Variants in IFI44L observed in about 807,000 individuals in gnomAD.
The protein encoded by IFI44L is interferon induced protein 44 like.
IFI44L carries 40 observed loss-of-function variants against 39.3 expected under a neutral mutation model. The ratio of observed to expected loss-of-function variants is 1.02; its 90% CI spans 0.79 to 1.33. The LOEUF (loss-of-function observed/expected upper bound fraction) is 1.33, where lower values mean the gene tolerates loss of function less well. IFI44L is among the 40% of genes most tolerant of loss of function. The pLI, the probability that IFI44L is intolerant of heterozygous loss-of-function variation, is 0.00. For missense variants in IFI44L, 623 were observed against 549.0 expected (o/e 1.13, Z -1.35); for synonymous variants, 198 against 182.3 (o/e 1.09, Z -0.69).
At position 78,643,307 on chromosome 1, in the gene IFI44L, C is replaced by T. The variant is rs1647009475; in HGVS notation, c.*1498C>T. ...GAACCATGGAAATTGAGGAGGTAGG[C>T]CTACAAGTAGATATTGGGAACAAAA... On this transcript the variant is annotated 3_prime_UTR_variant, in exon 9 of 9. Coordinates refer to ENST00000370751, the MANE Select transcript of IFI44L (RefSeq NM_006820.4). The T allele has an allele frequency of 6.6e-6, 1 of 151,948 alleles. No individual in the cohort carries two copies. The highest frequency in any genetic ancestry group is 1.5e-5 in the Non-Finnish European group (1 of 67,972). 9.4% of individuals were successfully genotyped at this position (151,948 alleles called of 1,614,324 possible).
chr1:78,626,707 T>C (rs1652500089), intron 1 of IFI44L: 1 of 152,018 alleles, frequency 6.6e-6, no homozygotes, highest in Admixed American at 6.6e-5. Context: ...TTCAACAGCA[T>C]TTGGAGTATA....
At chr1:78,629,173 T>C (rs1652620051) in intron 3 of IFI44L, among the ~76,000 whole-genome samples, 174 bp downstream of exon 3, 1 of 152,234 alleles carries the variant, frequency 6.6e-6, no homozygotes, top group Admixed American at 6.5e-5. Context: ...ACTTTAAATA[T>C]CCACCTGATG....
chr1:78,642,863 T>C lies in IFI44L; in HGVS notation c.*1054T>C, dbSNP rs1647004502. On this transcript the variant is annotated 3_prime_UTR_variant, in exon 9 of 9. Coordinates refer to ENST00000370751, the MANE Select transcript of IFI44L (RefSeq NM_006820.4). The stretch of plus-strand genomic sequence containing the variant: ...CTAGCCATGTGTCCTTCCATTTAGG[T>C]TACTGGGGCAAATCAGTAAGAAAGT... 1 of 152,118 alleles carries C rather than the reference T, an allele frequency of 6.6e-6. No individual in the cohort carries two copies. Among genetic ancestry groups the C allele is most frequent in the Non-Finnish European group, 1.5e-5 (1 of 68,004 alleles). 9.4% of individuals were successfully genotyped at this position (152,118 alleles called of 1,614,324 possible). A position where few individuals can be genotyped will look rare whatever the true frequency, so the allele number is the denominator to read the frequency against.
At chr1:78,631,936 A>T (rs1652764557) in intron 4 of IFI44L, among the ~76,000 whole-genome samples, 1 of 152,164 alleles carries the variant, frequency 6.6e-6, no homozygotes, top group Non-Finnish European at 1.5e-5. Context: ...CTTACAGGAA[A>T]AAAAATGCCA....
chr1:78,642,062 G>A lies in IFI44L; in HGVS notation c.*253G>A. The A allele has an allele frequency of 3.6e-6, 2 of 559,388 alleles. No individual in the cohort carries two copies. Among genetic ancestry groups the A allele is most frequent in the Non-Finnish European group, 6.3e-6 (2 of 315,334 alleles). 34.7% of individuals were successfully genotyped at this position (559,388 alleles called of 1,614,324 possible). On this transcript the variant is annotated 3_prime_UTR_variant, in exon 9 of 9. Coordinates refer to ENST00000370751, the MANE Select transcript of IFI44L (RefSeq NM_006820.4). ...TTCTGTGACATCTTTTTAAACCACT[G>A]GAGGAAAAATGAGATATTCTCTAAT...
In IFI44L at chr1:78,628,071, A is replaced by G; in HGVS notation, c.156A>G (p.Thr52=). ...GCAGCCGTCAGGGATGTACTATAAC[A>G]ATGGCTTACATTGATTACAATATGA... ...ERCSRQGCTI[T]MAYIDYNMIV... The change falls in exon 2 of 9, where the codon ACA becomes ACG. Residue 52 remains threonine, a synonymous_variant. Coordinates refer to ENST00000370751, the MANE Select transcript of IFI44L (RefSeq NM_006820.4). The G allele has an allele frequency of 6.2e-7, 1 of 1,613,266 alleles. No individual in the cohort carries two copies. The highest frequency in any genetic ancestry group is 8.5e-7 in the Non-Finnish European group (1 of 1,179,542).
At chr1:78,630,632 T>C (rs998241508) in intron 4 of IFI44L, among the ~76,000 whole-genome samples, 1 of 152,168 alleles carries the variant, frequency 6.6e-6, no homozygotes, top group Non-Finnish European at 1.5e-5. Context: ...CAAATTAATA[T>C]TGTCACTTGT....
At chr1:78,625,963 A>G (rs1302091656) in intron 1 of IFI44L, 1 of 151,888 alleles carries the variant, frequency 6.6e-6, no homozygotes, top group Non-Finnish European at 1.5e-5. Flanking sequence ...ATTCTGGCAT[A>G]TACTGTCTGT....
intron 1 of IFI44L, chr1:78,626,906 C>G (rs1225397967): frequency 6.6e-6 from 1 of 151,924 alleles, no homozygotes; most frequent in African/African-American, 2.4e-5. Context: ...GTACTCATAG[C>G]TTAGCTCCCA....
chr1:78,631,714 T>C (rs1301327157), intron 4 of IFI44L: 1 of 152,180 alleles, frequency 6.6e-6, no homozygotes, highest in East Asian at 1.9e-4. Context: ...CAAAGTGAAA[T>C]TTGTGGACCC....
In IFI44L at chr1:78,642,415, A is replaced by T. The variant is rs1646997723; in HGVS notation, c.*606A>T. On this transcript the variant is annotated 3_prime_UTR_variant, in exon 9 of 9. Coordinates refer to ENST00000370751, the MANE Select transcript of IFI44L (RefSeq NM_006820.4). ...AAAAAAAAAAAAATAAGAAAGAACA[A>T]AACAAACCCCACAAAAATTAGCTGG... is the stretch of plus-strand genomic sequence containing the variant. The T allele has an allele frequency of 6.6e-6, 1 of 151,776 alleles. No individual in the cohort carries two copies. The highest frequency in any genetic ancestry group is 2.1e-4 in the South Asian group (1 of 4,822). The allele number at this position is 151,776 out of a possible 1,614,324, so 9.4% of individuals were successfully genotyped here.
rs1314118670 is a variant in IFI44L at position 78,641,090 on chromosome 1, A to G, written c.1118A>G (p.Asn373Ser). 1.2e-6 allele frequency: 2 copies of G among 1,612,716 alleles called. No individual in the cohort carries two copies. The highest frequency in any genetic ancestry group is 2.2e-5 in the South Asian group (2 of 91,064). ...GAGGTTCTTCAAGACAACTTTTTAA[A>G]CATGAGTAGATCTATGACTTCTCAA... is the stretch of plus-strand genomic sequence containing the variant. ...CSEVLQDNFLNMSRSMTSQSR... is the reference protein window; with the variant it reads ...CSEVLQDNFLSMSRSMTSQSR... The change falls in exon 7 of 9, where the codon AAC becomes AGC. Residue 373 changes from asparagine (N) to serine (S), a missense_variant. Transcript: ENST00000370751.
intron 1 of IFI44L, among the ~76,000 whole-genome samples, chr1:78,622,908 C>T (rs900595789): frequency 2.0e-5 from 3 of 152,174 alleles, no homozygotes; most frequent in African/African-American, 2.4e-5. Flanking sequence ...AGCTGTGGCT[C>T]GCACTTTGAT....
In IFI44L at chr1:78,642,316, C is replaced by T. The variant is rs145168832; in HGVS notation, c.*507C>T. 1 of 145,130 alleles carries T rather than the reference C, an allele frequency of 6.9e-6. No homozygotes were observed. The allele number at this position is 145,130 out of a possible 1,614,324, so 9.0% of individuals were successfully genotyped here. On this transcript the variant is annotated 3_prime_UTR_variant, in exon 9 of 9. Transcript: ENST00000370751. ...CCCACTCTCTCCAACATCACATTCACTTTAAATTTTTCTGTATATAGAAAG... is the reference window on the plus strand; with the variant it reads ...CCCACTCTCTCCAACATCACATTCATTTTAAATTTTTCTGTATATAGAAAG...
rs1646999935 is a variant in IFI44L, at chr1:78,642,555, TGA to T, written c.*749_*750del. ...CTGTACTCTAGCCAGGGAGAAAGAG[TGA>T]GATCCTGGCTCAAAAAAACCAAATA... On this transcript the variant is annotated 3_prime_UTR_variant, in exon 9 of 9. Coordinates refer to ENST00000370751, the MANE Select transcript of IFI44L (RefSeq NM_006820.4). The T allele has an allele frequency of 6.6e-6, 1 of 150,938 alleles. No individual in the cohort carries two copies. Among genetic ancestry groups the T allele is most frequent in the Non-Finnish European group, 1.5e-5 (1 of 67,790 alleles). 9.3% of individuals were successfully genotyped at this position (150,938 alleles called of 1,614,324 possible).
Position 78,628,024 on chromosome 1 carries a change from A to T in IFI44L, c.109A>T (p.Ile37Phe). ...TAAGTCTAGTGTTCATGGAGGTAGC[A>T]TTGAAGATATGGTTGAAAGATGCAG... ...LYKSSVHGGS[I>F]EDMVERCSRQ... Residue 37 changes from isoleucine (I) to phenylalanine (F), a missense_variant, in exon 2 of 9, where the codon ATT becomes TTT. Transcript: ENST00000370751. The T allele has an allele frequency of 6.2e-7, 1 of 1,613,270 alleles. No individual in the cohort carries two copies. The highest frequency in any genetic ancestry group is 1.1e-5 in the South Asian group (1 of 91,050).
Position 78,644,754 on chromosome 1 carries a change from C to A in IFI44L, c.*2945C>A, listed in dbSNP as rs956098679. The stretch of plus-strand genomic sequence containing the variant: ...AGAAAAATAGTGCTAAGGAGTATAG[C>A]AGATGACCTATATGTGTGTTGGCTG... On this transcript the variant is annotated 3_prime_UTR_variant, in exon 9 of 9. Transcript: ENST00000370751. The A allele has an allele frequency of 6.6e-6, 1 of 152,156 alleles. No individual in the cohort carries two copies. Among genetic ancestry groups the A allele is most frequent in the Non-Finnish European group, 1.5e-5 (1 of 68,026 alleles). The allele number at this position is 152,156 out of a possible 1,614,324, so 9.4% of individuals were successfully genotyped here.
At position 78,628,272 on chromosome 1, in the gene IFI44L, G is replaced by A. The variant is rs758143695; in HGVS notation, c.357G>A (p.Thr119=). ...DEQLVCRLSK[T]DIFIICRDNK... The stretch of plus-strand genomic sequence containing the variant: ...AACTGGTGTGTCGTTTATCGAAAAC[G>A]GATATTTTCATTATATGTCGAGATA... The change falls in exon 2 of 9, where the codon ACG becomes ACA. Residue 119 remains threonine (T), a synonymous_variant. Transcript: ENST00000370751. 1.1e-5 allele frequency: 17 copies of A among 1,608,548 alleles called. No homozygotes were observed. The highest frequency in any genetic ancestry group is 2.2e-5 in the East Asian group (1 of 44,700).
chr1:78,641,810 G>T lies in IFI44L; in HGVS notation c.*1G>T, dbSNP rs377062959. 6.2e-7 allele frequency: 1 copy of T among 1,613,574 alleles called. No homozygotes were observed. Among genetic ancestry groups the T allele is most frequent in the East Asian group, 2.2e-5 (1 of 44,878 alleles). On this transcript the variant is annotated 3_prime_UTR_variant, in exon 9 of 9. Transcript: ENST00000370751. ...GAGAGCGTTACAGCCCTGCATTTGA[G>T]ATAAGTTGCCTTGATTCTGACATTT... is the stretch of plus-strand genomic sequence containing the variant.
Sources: allele counts gnomAD v4.1 joint callset (sites outside exome capture counted in the v4.1 genomes callset), GRCh38; gene constraint gnomAD v4.1.1; transcripts MANE v1.5; gene names NCBI Gene and HGNC (gene_info 2026-07-23, HGNC 2026-07-21).